Variants in NUCB1 observed in about 807,000 individuals in gnomAD.
NUCB1 encodes nucleobindin-1.
In NUCB1, 47 loss-of-function variants were observed where a neutral mutation model predicts 61.2. The ratio of observed to expected loss-of-function variants is 0.77; its 90% CI spans 0.61 to 0.98. The LOEUF is 0.98. Among genes scored for constraint, NUCB1 ranks in the 50% least tolerant of loss-of-function variants. The pLI is 0.00. For synonymous variants in NUCB1, 234 were observed against 243.1 expected, an observed-to-expected ratio of 0.96 and a Z score of 0.35; for missense variants, 583 against 605.3, an observed-to-expected ratio of 0.96 and a Z score of 0.39.
intron 11 of NUCB1, among the ~76,000 whole-genome samples, 157 bp from the exon 12 acceptor site, chr19:48,921,666 CCCGA>C (rs1568589662): frequency 6.6e-6 from 1 of 152,114 alleles, no homozygotes. Context: ...TATTATTAAG[CCCGA>C]CTGTCAATGA....
chr19:48,918,931 A>C, intron 8 of NUCB1, 99 bp from the exon 9 acceptor site: 1 of 1,360,512 alleles, frequency 7.4e-7, no homozygotes, highest in South Asian at 1.2e-5. Flanking sequence ...GGCTCCCAGG[A>C]GTGGTAGCGT....
At chr19:48,909,931 AC>A (rs1289798129) in intron 4 of NUCB1, among the ~76,000 whole-genome samples, 2 of 152,070 alleles carry the variant, frequency 1.3e-5, no homozygotes, top group African/African-American at 4.8e-5. Flanking sequence ...CTCTGTAAAG[AC>A]CTAGTCTCCA....
chr19:48,907,617 C>G (rs2037426438), intron 4 of NUCB1, among the ~76,000 whole-genome samples: 1 of 152,152 alleles, frequency 6.6e-6, no homozygotes, highest in Non-Finnish European at 1.5e-5. Context: ...GCCAGGACCC[C>G]TTAGCCCGGA....
intron 7 of NUCB1, among the ~76,000 whole-genome samples, chr19:48,915,831 T>G (rs1213464841): frequency 6.6e-6 from 1 of 151,898 alleles, no homozygotes; most frequent in South Asian, 2.1e-4. Flanking sequence ...TGTTTTTTTT[T>G]TGAGACAGGA....
chr19:48,912,617 C>T (rs1246843879), intron 5 of NUCB1, among the ~76,000 whole-genome samples: 1 of 152,042 alleles, frequency 6.6e-6, no homozygotes, highest in African/African-American at 2.4e-5. Context: ...GGGCGGATCA[C>T]CTGAGGTCAG....
intron 8 of NUCB1, 68 bp downstream of exon 8, chr19:48,918,852 T>C: frequency 7.1e-7 from 1 of 1,415,660 alleles, no homozygotes; most frequent in Non-Finnish European, 1.0e-6. Flanking sequence ...CCTCCTGCAG[T>C]CCCCTTAAAT....
Position 48,918,703 on chromosome 19 carries a change from C to T in NUCB1, c.758-23C>T, listed in dbSNP as rs751345480. ...ATCCCGTCCTCGGTCCCCTGAGATA[C>T]CTTGCTATCCTCTTCCCTTCAGATA... On this transcript the variant is annotated intron_variant, in intron 7 of 12. Coordinates refer to ENST00000405315, the MANE Select transcript of NUCB1 (RefSeq NM_006184.6). 5 of 1,606,466 alleles carry T rather than the reference C, an allele frequency of 3.1e-6. No homozygotes were observed. The Admixed American group carries it at 6.7e-5, about 21-fold the overall frequency.
chr19:48,922,276 G>A, intron 12 of NUCB1, 42 bp from the exon 13 acceptor site: 1 of 1,546,982 alleles, frequency 6.5e-7, no homozygotes, highest in Non-Finnish European at 8.9e-7. Flanking sequence ...GGGAGGAGGG[G>A]TTCGGATGTC....
At chr19:48,912,191 A>G (rs2037481860) in intron 5 of NUCB1, among the ~76,000 whole-genome samples, 1 of 151,612 alleles carries the variant, frequency 6.6e-6, no homozygotes, top group Non-Finnish European at 1.5e-5. Context: ...CACCAGGCTA[A>G]TTTTAAAAAT....
Position 48,904,297 on chromosome 19 carries a change from G to A in NUCB1, c.136-50G>A, listed in dbSNP as rs560839867. On this transcript the variant is annotated intron_variant, in intron 2 of 12. Coordinates refer to ENST00000405315, the MANE Select transcript of NUCB1 (RefSeq NM_006184.6). ...CCATAGCAGTAACAGGAGTGAGGGT[G>A]GGGATGGGGATGGGAGCAGGGGCTG... 25 of 1,225,444 alleles carry A rather than the reference G, an allele frequency of 2.0e-5. No individual in the cohort carries two copies. The East Asian group carries it at 5.9e-4, about 29-fold the overall frequency. 75.9% of individuals were successfully genotyped at this position (1,225,444 alleles called of 1,614,324 possible).
intron 7 of NUCB1, among the ~76,000 whole-genome samples, chr19:48,915,244 C>T (rs1260794855): frequency 6.6e-6 from 1 of 151,986 alleles, no homozygotes; most frequent in Non-Finnish European, 1.5e-5. Flanking sequence ...TTTGGGAGGC[C>T]TAGGCGGGTG....
intron 7 of NUCB1, 129 bp downstream of exon 7, chr19:48,913,693 C>T (rs1009511736): frequency 2.9e-6 from 2 of 698,400 alleles, no homozygotes; most frequent in South Asian, 3.4e-5. Flanking sequence ...GCCTATGTCC[C>T]CTGGTTGACC....
At chr19:48,915,906 C>T (rs888721619) in intron 7 of NUCB1, among the ~76,000 whole-genome samples, 2 of 152,024 alleles carry the variant, frequency 1.3e-5, no homozygotes, top group African/African-American at 2.4e-5. Context: ...GCCTCAGTCA[C>T]CTGAGTAGCT....
At position 48,921,274 on chromosome 19, in the gene NUCB1, C is replaced by G. The variant is rs1481741417; in HGVS notation, c.1123C>G (p.Leu375Val). The G allele has an allele frequency of 6.2e-6, 10 of 1,605,296 alleles. No homozygotes were observed. The highest frequency in any genetic ancestry group is 6.8e-6 in the Non-Finnish European group (8 of 1,176,530). The change falls in exon 11 of 13, where the codon CTA (leucine) becomes GTA (valine). Residue 375 changes from leucine (L) to valine (V), a missense_variant. Coordinates refer to ENST00000405315, the MANE Select transcript of NUCB1 (RefSeq NM_006184.6). ...AQRLSQETEA[L>V]GRSQGRLEAQ... ...GCGCCTCAGCCAGGAGACAGAGGCT[C>G]TAGGGCGGTCCCAGGGCCGCCTGGA...
intron 4 of NUCB1, among the ~76,000 whole-genome samples, chr19:48,909,250 T>A (rs2037446398): frequency 1.0e-5 from 1 of 95,958 alleles, no homozygotes; most frequent in Non-Finnish European, 1.9e-5. Context: ...ATTATTATTA[T>A]TTTTTTTTTT....
intron 7 of NUCB1, among the ~76,000 whole-genome samples, chr19:48,915,010 G>A (rs2037523440): frequency 1.3e-5 from 2 of 152,066 alleles, no homozygotes; most frequent in African/African-American, 2.4e-5. Context: ...AACCCGGGAG[G>A]CAGAGTTTGC....
intron 11 of NUCB1, among the ~76,000 whole-genome samples, 160 bp from the exon 12 acceptor site, chr19:48,921,667 C>T (rs554392397): frequency 1.4e-4 from 22 of 152,252 alleles, no homozygotes; most frequent in Non-Finnish European, 2.8e-4. Flanking sequence ...ATTATTAAGC[C>T]CGACTGTCAA....
intron 1 of NUCB1, 178 bp from the exon 2 acceptor site, chr19:48,900,608 C>T: frequency 1.3e-6 from 1 of 786,086 alleles, no homozygotes; most frequent in Non-Finnish European, 2.0e-6. Flanking sequence ...AGGGCCCAGA[C>T]TCCTGTGTCG....
chr19:48,918,894 A>G (rs932242617), intron 8 of NUCB1, 110 bp downstream of exon 8: 6 of 1,310,674 alleles, frequency 4.6e-6, no homozygotes, highest in Non-Finnish European at 6.5e-6. Flanking sequence ...GAAAACTACA[A>G]CTCCCATCAG....
Sources: gnomAD v4.1 joint callset for allele counts (sites outside exome capture counted in the v4.1 genomes callset) on GRCh38, gnomAD v4.1.1 for gene constraint, MANE v1.5 for transcripts, NCBI Gene and HGNC (gene_info 2026-07-23, HGNC 2026-07-21) for gene names.